The following C1orf21 variants were observed in gnomAD, a reference collection of about 807,000 sequenced individuals.
C1orf21 encodes the protein chromosome 1 open reading frame 21.
In C1orf21, 3 loss-of-function variants were observed where a neutral mutation model predicts 18.7. The ratio of observed to expected loss-of-function variants is 0.16; its 90% CI spans 0.07 to 0.42. The LOEUF is 0.42. C1orf21 is among the 10% of genes least tolerant of loss of function. C1orf21 has a pLI of 0.99. For missense variants in C1orf21, 104 were observed against 143.6 expected (o/e 0.72, Z 1.41); for synonymous variants, 41 against 46.4 (o/e 0.88, Z 0.47).
At chr1:184,487,053 T>G (rs1657742883) in intron 2 of C1orf21, among the ~76,000 whole-genome samples, 1 of 152,204 alleles carries the variant, frequency 6.6e-6, no homozygotes, top group Non-Finnish European at 1.5e-5. Context: ...ATGAGGGAAG[T>G]TCTCAAAACG....
chr1:184,621,931 G>A lies in C1orf21; in HGVS notation c.*2375G>A, dbSNP rs541854879. 6.6e-6 allele frequency: 1 copy of A among 152,286 alleles called. No individual in the cohort carries two copies. Among genetic ancestry groups the A allele is most frequent in the African/African-American group, 2.4e-5 (1 of 41,564 alleles). The allele number at this position is 152,286 out of a possible 1,614,324, so 9.4% of individuals were successfully genotyped here. ...ATCCAGAAATAGATCCAAGAAATGGGGTGGTTGAGTGGGTCCGCACGAAAT... is the reference window on the plus strand; with the variant it reads ...ATCCAGAAATAGATCCAAGAAATGGAGTGGTTGAGTGGGTCCGCACGAAAT... On this transcript the variant is annotated 3_prime_UTR_variant, in exon 6 of 6. Transcript: ENST00000235307.
intron 5 of C1orf21, among the ~76,000 whole-genome samples, chr1:184,611,259 A>T (rs1041638222): frequency 1.3e-5 from 2 of 152,210 alleles, no homozygotes; most frequent in Non-Finnish European, 2.9e-5. Context: ...TGTCTTTGGC[A>T]TTTAAAACTG....
At chr1:184,461,146 A>T (rs888857243) in intron 1 of C1orf21, among the ~76,000 whole-genome samples, 1 of 152,130 alleles carries the variant, frequency 6.6e-6, no homozygotes, top group Non-Finnish European at 1.5e-5. Flanking sequence ...CCTTCTAGGC[A>T]GTGTGTTGAC....
At chr1:184,600,358 G>T (rs910776578) in intron 5 of C1orf21, among the ~76,000 whole-genome samples, 1 of 152,192 alleles carries the variant, frequency 6.6e-6, no homozygotes, top group East Asian at 1.9e-4. Flanking sequence ...GTAGAAACAG[G>T]GTTTCACTGT....
At chr1:184,508,254 G>A (rs754311313) in intron 3 of C1orf21, among the ~76,000 whole-genome samples, 1 of 151,896 alleles carries the variant, frequency 6.6e-6, no homozygotes, top group Non-Finnish European at 1.5e-5. Context: ...TTTTTGAGTA[G>A]GAATCAGTAT....
At chr1:184,587,442 C>T (rs1239021071) in intron 3 of C1orf21, among the ~76,000 whole-genome samples, 3 of 146,980 alleles carry the variant, frequency 2.0e-5, no homozygotes, top group East Asian at 2.0e-4. Flanking sequence ...TTTCCACTTG[C>T]GTCATCTCTC....
chr1:184,498,591 C>T (rs1185965607), intron 2 of C1orf21, among the ~76,000 whole-genome samples: 17 of 152,270 alleles, frequency 1.1e-4, no homozygotes, highest in Non-Finnish European at 2.2e-4. Context: ...GGAAAAACAA[C>T]TCATGTTTTA....
chr1:184,468,656 TG>T (rs1355404161), intron 1 of C1orf21, among the ~76,000 whole-genome samples: 1 of 152,218 alleles, frequency 6.6e-6, no homozygotes, highest in Non-Finnish European at 1.5e-5. Flanking sequence ...GAGTGGCTCA[TG>T]CCTGTAATCC....
chr1:184,567,364 C>A, intron 3 of C1orf21: 1 of 485,296 alleles, frequency 2.1e-6, no homozygotes. Flanking sequence ...ATCATCAGTC[C>A]ACCTACCAGC....
At chr1:184,586,419 G>T (rs546478801) in intron 3 of C1orf21, among the ~76,000 whole-genome samples, 1 of 151,960 alleles carries the variant, frequency 6.6e-6, no homozygotes, top group African/African-American at 2.4e-5. Flanking sequence ...GAGTAGCTGG[G>T]ACTACAGGCG....
intron 3 of C1orf21, among the ~76,000 whole-genome samples, chr1:184,516,600 A>G (rs1048766052): frequency 6.6e-6 from 1 of 152,208 alleles, no homozygotes; most frequent in Admixed American, 6.5e-5. Context: ...AGCAAGTCCC[A>G]TCTTACATGG....
chr1:184,600,436 G>A (rs533251946), intron 5 of C1orf21, among the ~76,000 whole-genome samples: 18 of 152,240 alleles, frequency 1.2e-4, no homozygotes, highest in Non-Finnish European at 2.2e-4. Flanking sequence ...CAAAGTGCTG[G>A]GATTATGGGC....
At chr1:184,550,670 G>A (rs1380342408) in intron 3 of C1orf21, among the ~76,000 whole-genome samples, 2 of 152,136 alleles carry the variant, frequency 1.3e-5, no homozygotes, top group Non-Finnish European at 2.9e-5. Context: ...GAGTAGCTGG[G>A]ACTTCAGGTG....
intron 1 of C1orf21, among the ~76,000 whole-genome samples, chr1:184,413,619 C>G (rs1037194392): frequency 1.3e-5 from 2 of 152,100 alleles, no homozygotes; most frequent in African/African-American, 4.8e-5. Context: ...CCCAGGAACC[C>G]GAGGCATTGA....
At chr1:184,553,090 T>G (rs1235416674) in intron 3 of C1orf21, among the ~76,000 whole-genome samples, 1 of 152,112 alleles carries the variant, frequency 6.6e-6, no homozygotes, top group Non-Finnish European at 1.5e-5. Flanking sequence ...TACAGGGCCC[T>G]CAAGTCTAAT....
In C1orf21 at chr1:184,627,277, T is replaced by G. The variant is rs1297736102; in HGVS notation, c.*7721T>G. The G allele has an allele frequency of 6.6e-6, 1 of 152,038 alleles. No homozygotes were observed. The highest frequency in any genetic ancestry group is 1.5e-5 in the Non-Finnish European group (1 of 68,040). The allele number at this position is 152,038 out of a possible 1,614,324, so 9.4% of individuals were successfully genotyped here. A position where few individuals can be genotyped will look rare whatever the true frequency, so the allele number is the denominator to read the frequency against. On this transcript the variant is annotated 3_prime_UTR_variant, in exon 6 of 6. Coordinates refer to ENST00000235307, the MANE Select transcript of C1orf21 (RefSeq NM_030806.4). ...TAGGTTTTCCAAATAACCTCGGAGT[T>G]CAGAGCATTGGGTTTTTTTCTCCCC...
chr1:184,393,077 C>T (rs1283470365), intron 1 of C1orf21, among the ~76,000 whole-genome samples: 2 of 152,028 alleles, frequency 1.3e-5, no homozygotes, highest in African/African-American at 4.8e-5. Context: ...GATCCCCCTG[C>T]CTCAGCCTCC....
At chr1:184,589,676 T>C (rs1659410486) in intron 3 of C1orf21, among the ~76,000 whole-genome samples, 1 of 152,212 alleles carries the variant, frequency 6.6e-6, no homozygotes, top group Non-Finnish European at 1.5e-5. Context: ...ACAAACAAAA[T>C]CACATATTTT....
intron 5 of C1orf21, among the ~76,000 whole-genome samples, chr1:184,618,805 G>A (rs1659872487): frequency 6.6e-6 from 1 of 152,216 alleles, no homozygotes; most frequent in African/African-American, 2.4e-5. Flanking sequence ...AGAGAGTCAT[G>A]TGTTTTGACC....
Sources: allele counts gnomAD v4.1 joint callset (sites outside exome capture counted in the v4.1 genomes callset), GRCh38; gene constraint gnomAD v4.1.1; transcripts MANE v1.5; gene names NCBI Gene and HGNC (gene_info 2026-07-23, HGNC 2026-07-21).